ABR: variants seen among roughly 807,000 people sequenced by gnomAD.
The protein encoded by ABR is active breakpoint cluster region-related protein.
In ABR, 35 loss-of-function variants were observed where a neutral mutation model predicts 107.2. The observed-to-expected ratio is 0.33, with a 90% CI of 0.25 to 0.43. ABR has a LOEUF of 0.43. Ranked by LOEUF, ABR falls within the 20% of genes least tolerant of loss-of-function variation. The probability of loss-of-function intolerance (pLI) is 1.00; values close to 1 mark genes in which losing one functional copy is unlikely to be tolerated. For synonymous variants in ABR, 498 were observed against 462.0 expected, an observed-to-expected ratio of 1.08 and a Z score of -1.00; for missense variants, 815 against 1,115.2, an observed-to-expected ratio of 0.73 and a Z score of 3.83.
intron 2 of ABR, among the ~76,000 whole-genome samples, chr17:1,107,327 G>A (rs1205689433): frequency 1.3e-5 from 2 of 152,216 alleles, no homozygotes; most frequent in Admixed American, 6.5e-5. Context: ...GGGCCCCAGC[G>A]GGCCTCACAC....
At chr17:1,216,203 C>T (rs2043005992) in intron 1 of ABR, among the ~76,000 whole-genome samples, 1 of 151,928 alleles carries the variant, frequency 6.6e-6, no homozygotes, top group Admixed American at 6.6e-5. Context: ...AGAAACTGAA[C>T]ACCTAAATAG....
chr17:1,105,074 T>A (rs1378145466), intron 2 of ABR, among the ~76,000 whole-genome samples: 2 of 149,404 alleles, frequency 1.3e-5, no homozygotes, highest in African/African-American at 5.0e-5. Context: ...AGTGGCAGGA[T>A]CTTGGCTCAC....
chr17:1,223,304 A>AACACACACACACACACACACACACACAC (rs56226163), intron 1 of ABR, among the ~76,000 whole-genome samples: 1 of 149,158 alleles, frequency 6.7e-6, no homozygotes, highest in African/African-American at 2.5e-5. Context: ...AATCAGTAAC[A>AACACACACACACACACACACACACACAC]ACACACACAC....
Position 1,073,632 on chromosome 17 carries a change from A to G in ABR, c.746T>C (p.Val249Ala). Residue 249 changes from valine (V) to alanine (A), a missense_variant, in exon 7 of 23, where the codon GTC becomes GCC. Val to Ala is a moderately conservative substitution (Grantham distance 64). Coordinates refer to ENST00000302538, the MANE Select transcript of ABR (RefSeq NM_021962.5). ...PIDRVTRSTL[V>A]LHDLLKHTPV... The stretch of plus-strand genomic sequence containing the variant: ...CGGAGGCTTGACACTCACGTGTAGG[A>G]CTAGGGTGCTCCGAGTGACCCGGTC... The G allele has an allele frequency of 6.2e-7, 1 of 1,600,244 alleles. No homozygotes were observed. The highest frequency in any genetic ancestry group is 1.1e-5 in the South Asian group (1 of 88,746).
At chr17:1,044,202 G>C (rs1597511219) in intron 16 of ABR, among the ~76,000 whole-genome samples, 1 of 152,134 alleles carries the variant, frequency 6.6e-6, no homozygotes, top group East Asian at 1.9e-4. Flanking sequence ...CCGGTGGAGG[G>C]GGGGCTCCCA....
intron 1 of ABR, among the ~76,000 whole-genome samples, chr17:1,151,881 G>C (rs552487945): frequency 6.6e-6 from 1 of 151,872 alleles, no homozygotes; most frequent in Non-Finnish European, 1.5e-5. Context: ...TTAGCCGGGC[G>C]TGGTGATGAG....
chr17:1,173,264 C>G (rs544590004), intron 1 of ABR, among the ~76,000 whole-genome samples: 56 of 123,184 alleles, frequency 4.5e-4, no homozygotes, highest in Admixed American at 7.5e-4. Flanking sequence ...CTCAGCCCAC[C>G]CAACACATCA....
Position 1,020,331 on chromosome 17 carries a change from C to G in ABR, c.1792-7167G>C, listed in dbSNP as rs575459838. 1.9e-3 allele frequency among the ~76,000 whole-genome samples: 292 copies of G among 152,364 alleles called. 1 individual carries two copies. The highest frequency in any genetic ancestry group is 6.7e-3 in the African/African-American group (278 of 41,590). ...CTCCTGACCTCAGGTGATCCACCCG[C>G]CTCGGCCTCCCAAAGTGCTGGGATT... On this transcript the variant is annotated intron_variant, in intron 16 of 22. Coordinates refer to ENST00000302538, the MANE Select transcript of ABR (RefSeq NM_021962.5).
At position 1,072,602 on chromosome 17, in the gene ABR, C is replaced by T. The variant is rs745564566; in HGVS notation, c.894+12G>A. 6 of 1,600,732 alleles carry T rather than the reference C, an allele frequency of 3.7e-6. No homozygotes were observed. Among genetic ancestry groups the T allele is most frequent in the Middle Eastern group, 1.7e-4 (1 of 5,988 alleles). ...AGCCTGGGTGAGGGGCCGTGCCGGG[C>T]TCTGAGCTCACCTCCCCCTTGGGCG... On this transcript the variant is annotated intron_variant, in intron 8 of 22. Transcript: ENST00000302538.
intron 16 of ABR, among the ~76,000 whole-genome samples, chr17:1,015,800 T>C (rs1490411411): frequency 1.3e-5 from 2 of 152,180 alleles, no homozygotes; most frequent in Non-Finnish European, 2.9e-5. Flanking sequence ...GAGTAACTTT[T>C]TGGTGGAATG....
chr17:1,175,119 C>A (rs1409101890), intron 1 of ABR, among the ~76,000 whole-genome samples: 1 of 152,152 alleles, frequency 6.6e-6, no homozygotes, highest in African/African-American at 2.4e-5. Context: ...GCATTATGAC[C>A]AAGAAAACAT....
At chr17:1,181,531 C>T (rs780462570), upstream of ABR, among the ~76,000 whole-genome samples, 2 of 152,230 alleles carry the variant, frequency 1.3e-5, no homozygotes, top group Non-Finnish European at 2.9e-5. Flanking sequence ...CACCCTCCCA[C>T]CGTCCCTGAC....
At chr17:1,031,815 AGTTCC>A in intron 16 of ABR, 1 of 1,102,448 alleles carries the variant, frequency 9.1e-7, no homozygotes, top group South Asian at 4.4e-5. Flanking sequence ...CAGTCCCGCT[AGTTCC>A]CTAGTCCCGC....
intron 4 of ABR, among the ~76,000 whole-genome samples, chr17:1,085,054 G>A (rs1473773172): frequency 4.6e-5 from 7 of 151,152 alleles, no homozygotes; most frequent in African/African-American, 7.3e-5. Context: ...CACCTGCCTC[G>A]GCCTCCCAAA....
At chr17:1,046,687 G>A (rs1045287725) in intron 16 of ABR, among the ~76,000 whole-genome samples, 1 of 152,200 alleles carries the variant, frequency 6.6e-6, no homozygotes, top group Non-Finnish European at 1.5e-5. Context: ...CCCTCTGTCC[G>A]GGCTGGGGGA....
At chr17:1,022,746 G>A (rs1428421587) in intron 16 of ABR, among the ~76,000 whole-genome samples, 1 of 152,216 alleles carries the variant, frequency 6.6e-6, no homozygotes, top group African/African-American at 2.4e-5. Flanking sequence ...TAGCCAAGGT[G>A]TCCTGCAGCC....
upstream of ABR, chr17:1,181,953 T>C (rs1488642064): frequency 6.6e-6 from 1 of 152,252 alleles, no homozygotes; most frequent in Non-Finnish European, 1.5e-5. Flanking sequence ...TTTGCGTACA[T>C]TTTACATTTT....
intron 10 of ABR, among the ~76,000 whole-genome samples, chr17:1,062,867 C>T (rs1275606337): frequency 7.0e-6 from 1 of 142,728 alleles, no homozygotes; most frequent in African/African-American, 2.5e-5. Flanking sequence ...GCATGTTCCT[C>T]TAGACACTGT....
intron 18 of ABR, 143 bp from the exon 19 acceptor site, chr17:1,012,128 A>G (rs333652): frequency 0.87 from 1,182,898 of 1,366,442 alleles, 512,512 homozygotes; most frequent in Middle Eastern, 0.89. Flanking sequence ...AGGGCAGAGA[A>G]AGAGGCCACC....
Sources: allele counts gnomAD v4.1 joint callset (sites outside exome capture counted in the v4.1 genomes callset), GRCh38; gene constraint gnomAD v4.1.1; transcripts MANE v1.5; gene names NCBI Gene and HGNC (gene_info 2026-07-23, HGNC 2026-07-21).